The following MUSK variants were observed in gnomAD, a reference collection of about 807,000 sequenced individuals.
MUSK encodes the protein muscle associated receptor tyrosine kinase.
A neutral mutation model predicts 88.7 loss-of-function variants in MUSK; 55 were observed. The observed-to-expected ratio is 0.62, with a 90% CI of 0.50 to 0.78. The LOEUF (loss-of-function observed/expected upper bound fraction) is 0.78, where lower values mean the gene tolerates loss of function less well. Among genes scored for constraint, MUSK ranks in the 30% least tolerant of loss-of-function variants. The pLI, the probability that MUSK is intolerant of heterozygous loss-of-function variation, is 0.00. For synonymous variants in MUSK, 387 were observed against 391.9 expected (o/e 0.99, Z 0.15); for missense variants, 1,015 against 1,074.3 (o/e 0.94, Z 0.77).
chr9:110,683,886 T>G (rs866518342), intron 2 of MUSK, among the ~76,000 whole-genome samples: 1 of 152,164 alleles, frequency 6.6e-6, no homozygotes, highest in South Asian at 2.1e-4. Flanking sequence ...ATTAATCCTT[T>G]GTCAGATGGG....
chr9:110,748,721 T>G (rs1400960753), intron 7 of MUSK, among the ~76,000 whole-genome samples: 1 of 152,184 alleles, frequency 6.6e-6, no homozygotes, highest in Non-Finnish European at 1.5e-5. Context: ...CTTATTACAG[T>G]GCCACCTCTT....
At chr9:110,679,689 T>A (rs1427689748) in intron 1 of MUSK, among the ~76,000 whole-genome samples, 1 of 152,054 alleles carries the variant, frequency 6.6e-6, no homozygotes, top group East Asian at 1.9e-4. Flanking sequence ...TACCTCTTTT[T>A]TTCTCTGTTG....
intron 8 of MUSK, 81 bp downstream of exon 8, chr9:110,762,289 G>C: frequency 8.7e-7 from 1 of 1,146,276 alleles, no homozygotes; most frequent in South Asian, 2.7e-5. Flanking sequence ...TCTGTGAGAG[G>C]GTCTTGTGTT....
chr9:110,780,177 T>G (rs2077729237), intron 11 of MUSK, among the ~76,000 whole-genome samples: 1 of 152,234 alleles, frequency 6.6e-6, no homozygotes, highest in African/African-American at 2.4e-5. Flanking sequence ...TCTATTCGCT[T>G]TACGTTTTTG....
Position 110,800,487 on chromosome 9 carries a change from T to C in MUSK, c.2109T>C (p.Leu703=). The change falls in exon 15 of 15, where the codon CTT becomes CTC. Residue 703 remains leucine (L), a synonymous_variant. Transcript: ENST00000374448. ...CACCCCTCTCCTGTGCTGAGCAGCT[T>C]TGCATTGCCAGGCAGGTGGCAGCTG... ...GPPPLSCAEQ[L]CIARQVAAGM... is the part of the protein sequence containing the mutation. 6.2e-7 allele frequency: 1 copy of C among 1,613,886 alleles called. No homozygotes were observed. The highest frequency in any genetic ancestry group is 8.5e-7 in the Non-Finnish European group (1 of 1,179,860).
intron 3 of MUSK, among the ~76,000 whole-genome samples, chr9:110,694,224 A>G (rs1452328637): frequency 6.7e-6 from 1 of 149,252 alleles, no homozygotes; most frequent in Non-Finnish European, 1.5e-5. Context: ...ACAAAAAAAA[A>G]AAAAAAAAAA....
intron 5 of MUSK, among the ~76,000 whole-genome samples, chr9:110,719,406 C>G (rs929405768): frequency 1.3e-5 from 2 of 152,020 alleles, no homozygotes; most frequent in African/African-American, 4.8e-5. Context: ...ATATTCCATA[C>G]AAACAGACAC....
At position 110,687,192 on chromosome 9, in the gene MUSK, T is replaced by C. The variant is rs775598630; in HGVS notation, c.282T>C (p.Asp94=). The C allele has an allele frequency of 2.5e-6, 4 of 1,613,760 alleles. No individual in the cohort carries two copies. The Admixed American group carries it at 5.0e-5, about 20-fold the overall frequency. The change falls in exon 3 of 15, where the codon GAT becomes GAC. Residue 94 remains aspartate, a synonymous_variant. Transcript: ENST00000374448. ...LTILSVEDSD[D]GIYCCTANNG... is the part of the protein sequence containing the mutation. ...TCCTGAGTGTGGAAGACAGTGATGA[T>C]GGCATTTACTGCTGCACGGCCAACA...
intron 5 of MUSK, among the ~76,000 whole-genome samples, chr9:110,698,240 C>G (rs952690251): frequency 5.9e-5 from 9 of 152,168 alleles, no homozygotes; most frequent in African/African-American, 2.2e-4. Flanking sequence ...TGGCTCCTAG[C>G]TTTCTCACCT....
At chr9:110,750,294 G>C (rs983706479) in intron 7 of MUSK, among the ~76,000 whole-genome samples, 15 of 152,068 alleles carry the variant, frequency 9.9e-5, no homozygotes, top group African/African-American at 3.6e-4. Flanking sequence ...TCTTTCCCTA[G>C]ATGGCAAAGG....
At chr9:110,756,023 A>C (rs2077320444) in intron 7 of MUSK, among the ~76,000 whole-genome samples, 1 of 136,146 alleles carries the variant, frequency 7.3e-6, no homozygotes, top group South Asian at 2.5e-4. Context: ...CCACAACTCA[A>C]TGAAATGGAT....
At position 110,723,234 on chromosome 9, in the gene MUSK, TACAC is replaced by T. The variant is rs143582345; in HGVS notation, c.629-10991_629-10988del. ...ACCATGGAATACTACTACATATACA[TACAC>T]ACACACACACACACACACACACACA... On this transcript the variant is annotated intron_variant, in intron 5 of 14. Coordinates refer to ENST00000374448, the MANE Select transcript of MUSK (RefSeq NM_005592.4). Among the ~76,000 whole-genome samples the T allele has an allele frequency of 2.9e-3, 425 of 146,774 alleles. 5 individuals carry two copies. Among genetic ancestry groups the T allele is most frequent in the African/African-American group, 9.6e-3 (381 of 39,744 alleles).
chr9:110,780,776 T>C (rs992104525), intron 11 of MUSK, among the ~76,000 whole-genome samples: 5 of 152,214 alleles, frequency 3.3e-5, no homozygotes, highest in Admixed American at 3.3e-4. Context: ...AACTTTTTGA[T>C]TTTTCCCTTT....
intron 11 of MUSK, among the ~76,000 whole-genome samples, chr9:110,780,982 C>T (rs2077744304): frequency 8.0e-6 from 1 of 125,608 alleles, no homozygotes; most frequent in Non-Finnish European, 1.9e-5. Context: ...TAAAACACTC[C>T]TATAAGACCC....
At chr9:110,685,299 G>A (rs1449061608) in intron 2 of MUSK, among the ~76,000 whole-genome samples, 1 of 152,028 alleles carries the variant, frequency 6.6e-6, no homozygotes, top group Non-Finnish European at 1.5e-5. Context: ...TTGTATCCCA[G>A]GGATAAGTTT....
intron 7 of MUSK, among the ~76,000 whole-genome samples, chr9:110,760,183 C>A (rs1413641952): frequency 6.6e-6 from 1 of 152,100 alleles, no homozygotes; most frequent in East Asian, 1.9e-4. Flanking sequence ...ACAGAACTAC[C>A]ATTCGACCCA....
intron 5 of MUSK, among the ~76,000 whole-genome samples, chr9:110,722,770 C>G (rs2076830864): frequency 6.6e-6 from 1 of 151,870 alleles, no homozygotes; most frequent in Non-Finnish European, 1.5e-5. Context: ...ATACAAATGG[C>G]CAACAAGCAT....
chr9:110,689,385 AT>A (rs1441047223), intron 3 of MUSK, among the ~76,000 whole-genome samples: 1 of 117,550 alleles, frequency 8.5e-6, no homozygotes, highest in Non-Finnish European at 1.6e-5. Context: ...TATGTAAAAA[AT>A]ATAAAAATAT....
At chr9:110,697,564 G>A in intron 5 of MUSK, 98 bp downstream of exon 5, 3 of 1,268,768 alleles carry the variant, frequency 2.4e-6, no homozygotes, top group East Asian at 2.5e-5. Context: ...GATGTGGGCA[G>A]CCCACTTCCC....
Sources: gnomAD v4.1 joint callset for allele counts (sites outside exome capture counted in the v4.1 genomes callset) on GRCh38, gnomAD v4.1.1 for gene constraint, MANE v1.5 for transcripts, NCBI Gene and HGNC (gene_info 2026-07-23, HGNC 2026-07-21) for gene names.